The following ZNF320 variants were observed in gnomAD, a reference collection of about 807,000 sequenced individuals.
ZNF320 encodes the protein zinc finger protein 320.
In ZNF320, 2 loss-of-function variants were observed where a neutral mutation model predicts 6.8. The observed-to-expected ratio is 0.29, with a 90% CI of 0.12 to 0.93. ZNF320 has a LOEUF of 0.93. Among genes scored for constraint, ZNF320 ranks in the 40% least tolerant of loss-of-function variants. The pLI is 0.55. For missense variants in ZNF320, 472 were observed against 611.0 expected (o/e 0.77, Z 2.40); for synonymous variants, 208 against 203.2 (o/e 1.02, Z -0.20).
chr19:52,874,842 G>A (rs1202704590), downstream of ZNF320, among the ~76,000 whole-genome samples: 1 of 152,136 alleles, frequency 6.6e-6, no homozygotes, highest in Non-Finnish European at 1.5e-5. Context: ...TGCAGCTGAG[G>A]GGCCAGAGAG....
chr19:52,865,470 T>TATATATATGTAA (rs1414636050), intron 5 of ZNF320: 10 of 40,352 alleles, frequency 2.5e-4, no homozygotes, highest in African/African-American at 1.1e-3. Context: ...TATATATATA[T>TATATATATGTAA]TACATATATA....
rs1287641722 is a variant in ZNF320 at position 52,876,303 on chromosome 19, G to A, written c.*4293C>T. ...GAAAATGTTTCCAATGTATGATACA[G>A]ACTAGAAAGCATGCAGTCCTCAATG... On this transcript the variant is annotated 3_prime_UTR_variant, in exon 6 of 6. Transcript: ENST00000682928. 7 of 152,126 alleles carry A rather than the reference G, an allele frequency of 4.6e-5. No individual in the cohort carries two copies. The highest frequency in any genetic ancestry group is 1.0e-4 in the Non-Finnish European group (7 of 68,010). The allele number at this position is 152,126 out of a possible 1,614,324, so 9.4% of individuals were successfully genotyped here.
At chr19:52,866,869 C>CAAA (rs58231328) in intron 5 of ZNF320, among the ~76,000 whole-genome samples, 58 of 108,800 alleles carry the variant, frequency 5.3e-4, no homozygotes, top group African/African-American at 8.1e-4. Flanking sequence ...ACAAAACATA[C>CAAA]AAAAAAAAAA....
exon 6 of ZNF320, chr19:52,862,548 T>C (rs2063491929): frequency 2.7e-6 from 1 of 364,896 alleles, no homozygotes; most frequent in Non-Finnish European, 5.5e-6. Flanking sequence ...GCAAGTGTTG[T>C]AGTTTTACTG....
chr19:52,875,772 T>C (rs1273251382), downstream of ZNF320, among the ~76,000 whole-genome samples: 5 of 150,514 alleles, frequency 3.3e-5, no homozygotes, highest in African/African-American at 1.2e-4. Context: ...CGAGTGACAC[T>C]CCATCTCAAA....
rs1328812547 is a variant in ZNF320 at position 52,881,444 on chromosome 19, G to T, written c.682C>A (p.Gln228Lys). The T allele has an allele frequency of 1.9e-6, 3 of 1,613,106 alleles. No homozygotes were observed. Among genetic ancestry groups the T allele is most frequent in the Non-Finnish European group, 2.5e-6 (3 of 1,179,682 alleles). Residue 228 changes from glutamine (Q) to lysine (K), a missense_variant, in exon 6 of 6, where the codon CAA becomes AAA. Physicochemically the swap from Gln to Lys is moderately conservative, Grantham distance 53 (BLOSUM62 1). Coordinates refer to ENST00000682928, the MANE Select transcript of ZNF320 (RefSeq NM_001351774.2). ...TGATGACATGCAAGGGTTGCTTTTT[G>T]ATCAAAAACCTTGCCACATTCATTA... ...TCNECGKVFD[Q>K]KATLACHHRS... is the part of the protein sequence containing the mutation.
chr19:52,874,024 T>C, downstream of ZNF320: 1 of 463,700 alleles, frequency 2.2e-6, no homozygotes, highest in Non-Finnish European at 4.3e-6. Context: ...TCCTTTTCTT[T>C]GCCTTCTTGG....
At chr19:52,865,494 T>TATTTATATATG (rs2063533744) in intron 5 of ZNF320, 1 of 139,116 alleles carries the variant, frequency 7.2e-6, no homozygotes, top group Non-Finnish European at 1.5e-5. Context: ...AATACATATA[T>TATTTATATATG]ATTATACATA....
exon 6 of ZNF320, among the ~76,000 whole-genome samples, chr19:52,861,366 T>C (rs1758934782): frequency 6.6e-6 from 1 of 152,162 alleles, no homozygotes; most frequent in East Asian, 1.9e-4. Flanking sequence ...AAAACATATA[T>C]AAATAGAGAT....
downstream of ZNF320, among the ~76,000 whole-genome samples, chr19:52,859,910 CTT>C (rs1235060261): frequency 2.3e-5 from 3 of 127,838 alleles, no homozygotes; most frequent in Admixed American, 2.9e-4. Flanking sequence ...TTAAGTTTTT[CTT>C]TCTTTTTTTT....
Position 52,865,434 on chromosome 19 carries a change from T to TTTTATATATATATATATATATATA in ZNF320, c.224-1276_224-1275insTATATATATATATATATATATAAA, listed in dbSNP as rs368584132. 2.8e-4 allele frequency: 43 copies of TTTTATATATATATATATATATATA among 152,752 alleles called. 2 individuals carry two copies. The highest frequency in any genetic ancestry group is 1.3e-3 in the African/African-American group (42 of 31,544). 9.5% of individuals were successfully genotyped at this position (152,752 alleles called of 1,614,324 possible). A position where few individuals can be genotyped will look rare whatever the true frequency, so the allele number is the denominator to read the frequency against. On this transcript the variant is annotated intron_variant, in intron 5 of 5. Coordinates refer to the ZNF320 transcript ENST00000673631. ...AAGCGTTCTGTGCAGGGTCCAGGCT[T>TTTTATATATATATATATATATATA]TATATATATATATATATGTAATACA... is the stretch of plus-strand genomic sequence containing the variant.
chr19:52,865,216 G>A (rs550756371), intron 5 of ZNF320, among the ~76,000 whole-genome samples: 5 of 151,692 alleles, frequency 3.3e-5, no homozygotes, highest in African/African-American at 1.2e-4. Flanking sequence ...CAGCTACTGG[G>A]GAGCCTGAGG....
chr19:52,881,862 C>T lies in ZNF320; in HGVS notation c.264G>A (p.Gln88=). 2 of 1,613,892 alleles carry T rather than the reference C, an allele frequency of 1.2e-6. No individual in the cohort carries two copies. The highest frequency in any genetic ancestry group is 1.7e-6 in the Non-Finnish European group (2 of 1,179,858). The part of the protein sequence containing the change: ...ASYHIGAFCS[Q]EIEKDIHDFV... Reference sequence around the variant, plus strand: ...AGTCATGAATGTCTTTCTCAATTTCCTGGGAGCAAAATGCTCCAATGTGAT... The same window carrying T: ...AGTCATGAATGTCTTTCTCAATTTCTTGGGAGCAAAATGCTCCAATGTGAT... The change falls in exon 6 of 6, where the codon CAG becomes CAA. Residue 88 remains glutamine, a synonymous_variant. Transcript: ENST00000682928.
intron 4 of ZNF320, among the ~76,000 whole-genome samples, chr19:52,889,542 A>C (rs1358231022): frequency 6.6e-6 from 1 of 152,158 alleles, no homozygotes; most frequent in Non-Finnish European, 1.5e-5. Context: ...TATTTGAGAA[A>C]AATTGTAACC....
chr19:52,869,011 T>C (rs1405757958), intron 5 of ZNF320, among the ~76,000 whole-genome samples: 1 of 152,058 alleles, frequency 6.6e-6, no homozygotes, highest in Non-Finnish European at 1.5e-5. Context: ...TGCATCCAGA[T>C]CAATGTATCA....
In ZNF320 at chr19:52,881,543, C is replaced by T. The variant is rs755970222; in HGVS notation, c.583G>A (p.Asp195Asn). The T allele has an allele frequency of 7.4e-6, 12 of 1,614,048 alleles. No homozygotes were observed. The Admixed American group carries it at 1.0e-4, about 13-fold the overall frequency. The change falls in exon 6 of 6, where the codon GAC (aspartate) becomes AAC (asparagine). Residue 195 changes from aspartate (D) to asparagine (N), a missense_variant. Transcript: ENST00000682928. The part of the protein sequence containing the change: ...GEKPYKCKVC[D>N]KAFKHDSHLA... Reference sequence around the variant, plus strand: ...TGTGAATCATGCTTAAAAGCCTTGTCGCAAACCTTACATTTGTATGGTTTC... The same window carrying T: ...TGTGAATCATGCTTAAAAGCCTTGTTGCAAACCTTACATTTGTATGGTTTC...
chr19:52,895,907 T>C (rs896855614), intron 1 of ZNF320: 1 of 151,300 alleles, frequency 6.6e-6, no homozygotes, highest in Admixed American at 6.6e-5. Context: ...AAGCATGCAG[T>C]CTTCTATGTA....
intron 5 of ZNF320, among the ~76,000 whole-genome samples, chr19:52,870,220 C>T (rs1457881522): frequency 1.3e-5 from 2 of 151,742 alleles, no homozygotes; most frequent in East Asian, 2.0e-4. Flanking sequence ...GTGGCTCACA[C>T]CTGTAAACCC....
At chr19:52,902,253 C>T (rs775373768), upstream of ZNF320, among the ~76,000 whole-genome samples, 7 of 152,152 alleles carry the variant, frequency 4.6e-5, no homozygotes, top group South Asian at 2.1e-4. Context: ...TATTGGGAGA[C>T]GGAAGCTGGA....
Sources: allele counts gnomAD v4.1 joint callset (sites outside exome capture counted in the v4.1 genomes callset), GRCh38; gene constraint gnomAD v4.1.1; transcripts MANE v1.5; gene names NCBI Gene and HGNC (gene_info 2026-07-23, HGNC 2026-07-21).